Variants in MERTK observed in about 807,000 individuals in gnomAD.
MERTK encodes tyrosine-protein kinase Mer.
In MERTK, 69 loss-of-function variants were observed where a neutral mutation model predicts 99.3. The ratio of observed to expected loss-of-function variants is 0.70; its 90% confidence interval spans 0.57 to 0.85. The LOEUF is 0.85. Among genes scored for constraint, MERTK ranks in the 40% least tolerant of loss-of-function variants. MERTK has a pLI of 0.00. For synonymous variants in MERTK, 426 were observed against 467.6 expected, an observed-to-expected ratio of 0.91 and a Z score of 1.15; for missense variants, 1,125 against 1,249.4, an observed-to-expected ratio of 0.90 and a Z score of 1.50.
intron 4 of MERTK, among the ~76,000 whole-genome samples, chr2:111,963,589 A>G (rs1029655021): frequency 2.0e-5 from 3 of 152,228 alleles, no homozygotes. Context: ...GCCTTCAAGC[A>G]TCTGTGTAAC....
At chr2:111,985,558 GACTAGGTAATTA>G (rs1676461074) in intron 8 of MERTK, among the ~76,000 whole-genome samples, 1 of 152,152 alleles carries the variant, frequency 6.6e-6, no homozygotes, top group Admixed American at 6.5e-5. Context: ...ACATACCTGA[GACTAGGTAATTA>G]TAAAGAAAAA....
intron 8 of MERTK, among the ~76,000 whole-genome samples, chr2:111,992,750 C>CA (rs35097651): frequency 0.09 from 9,416 of 104,428 alleles, 433 homozygotes; most frequent in Middle Eastern, 0.16. Flanking sequence ...GACTCCGTCT[C>CA]AAAAAAAAAA....
chr2:111,923,588 A>T (rs780624995), intron 1 of MERTK, among the ~76,000 whole-genome samples: 1 of 152,238 alleles, frequency 6.6e-6, no homozygotes, highest in Non-Finnish European at 1.5e-5. Context: ...CTGTTTATCC[A>T]GTCCACATGA....
intron 1 of MERTK, among the ~76,000 whole-genome samples, chr2:111,916,075 T>C (rs1684344505): frequency 6.6e-6 from 1 of 152,184 alleles, no homozygotes; most frequent in Non-Finnish European, 1.5e-5. Flanking sequence ...GTGTATTCTA[T>C]TGTTGGGAAG....
At chr2:111,976,687 ATTTG>A (rs764710894) in intron 7 of MERTK, among the ~76,000 whole-genome samples, 1 of 151,782 alleles carries the variant, frequency 6.6e-6, no homozygotes, top group Non-Finnish European at 1.5e-5. Flanking sequence ...CGTATTTTCT[ATTTG>A]TTCTATCTGT....
In MERTK at chr2:111,968,162, C is replaced by T. The variant is rs759345122; in HGVS notation, c.870C>T (p.Val290=). Residue 290 remains valine (V), a synonymous_variant, in exon 6 of 19, where the codon GTC becomes GTT. Coordinates refer to ENST00000295408, the MANE Select transcript of MERTK (RefSeq NM_006343.3). ...CAATTCCCTCCCCACCAACTGAAGT[C>T]AGCATCCGTAACAGCACTGCACACA... ...IKAIPSPPTE[V]SIRNSTAHSI... 6 of 1,613,816 alleles carry T rather than the reference C, an allele frequency of 3.7e-6. No homozygotes were observed. In the Admixed American group the frequency reaches 8.3e-5, roughly 22 times the overall value.
chr2:111,994,099 G>T, intron 8 of MERTK, 152 bp from the exon 9 acceptor site: 1 of 934,264 alleles, frequency 1.1e-6, no homozygotes, highest in East Asian at 2.4e-5. Flanking sequence ...GGTTCCATTG[G>T]CCATGGCCTG....
intron 2 of MERTK, among the ~76,000 whole-genome samples, chr2:111,932,554 T>C (rs1684693002): frequency 6.6e-6 from 1 of 152,224 alleles, no homozygotes; most frequent in South Asian, 2.1e-4. Context: ...TCTTCAACTT[T>C]ATTAAGATAA....
chr2:111,959,413 T>C (rs1180860708), intron 4 of MERTK, among the ~76,000 whole-genome samples: 1 of 152,218 alleles, frequency 6.6e-6, no homozygotes, highest in African/African-American at 2.4e-5. Flanking sequence ...ATCACCACTA[T>C]GAAGCATCAG....
At chr2:111,971,595 T>C (rs967313685) in intron 6 of MERTK, among the ~76,000 whole-genome samples, 1 of 152,340 alleles carries the variant, frequency 6.6e-6, no homozygotes, top group Middle Eastern at 3.4e-3. Context: ...ATTTAAATTG[T>C]CACATAATTA....
rs756229364 is a variant in MERTK at position 111,929,348 on chromosome 2, AAC to A, written c.296_297del (p.Thr99SerfsTer8). ...AAGCCCCTACCGCCTCTTGCCTTCA[AAC>A]ACACAGTTGGACACATAATACTTTC... On this transcript the variant is annotated frameshift_variant, in exon 2 of 19. Coordinates refer to ENST00000295408, the MANE Select transcript of MERTK (RefSeq NM_006343.3). LOFTEE classifies it high-confidence loss of function. 4.3e-6 allele frequency: 7 copies of A among 1,614,050 alleles called. No individual in the cohort carries two copies. The East Asian group carries it at 1.3e-4, about 31-fold the overall frequency.
At chr2:111,910,718 A>G (rs888792492) in intron 1 of MERTK, among the ~76,000 whole-genome samples, 35 of 152,174 alleles carry the variant, frequency 2.3e-4, no homozygotes, top group African/African-American at 8.4e-4. Flanking sequence ...CATTTGGTTA[A>G]TTAAAACAAG....
At position 111,994,354 on chromosome 2, in the gene MERTK, G is replaced by T. The variant is rs368219980; in HGVS notation, c.1400G>T (p.Gly467Val). 7.4e-6 allele frequency: 12 copies of T among 1,614,176 alleles called. No individual in the cohort carries two copies. Among genetic ancestry groups the T allele is most frequent in the South Asian group, 2.2e-5 (2 of 91,080 alleles). ...CTVRIAAVTR[G>V]GVGPFSDPVK... The stretch of plus-strand genomic sequence containing the variant: ...GTGAGGATTGCAGCCGTCACCAGAG[G>T]GGGAGTTGGGCCCTTCAGTGATCCA... Residue 467 changes from glycine (G) to valine (V), a missense_variant, in exon 9 of 19, where the codon GGG (glycine) becomes GTG (valine). Gly to Val is a moderately radical substitution (Grantham distance 109). Transcript: ENST00000295408.
intron 4 of MERTK, among the ~76,000 whole-genome samples, chr2:111,949,862 CT>C (rs1187679566): frequency 6.6e-5 from 10 of 152,188 alleles, no homozygotes; most frequent in African/African-American, 2.4e-4. Flanking sequence ...GTCATACATA[CT>C]TTCCGTGGCT....
intron 13 of MERTK, among the ~76,000 whole-genome samples, chr2:112,006,143 A>G (rs1200769296): frequency 6.6e-6 from 1 of 151,610 alleles, no homozygotes; most frequent in Non-Finnish European, 1.5e-5. Context: ...TGGCCTCCCA[A>G]AGTGCTGGGA....
intron 4 of MERTK, among the ~76,000 whole-genome samples, chr2:111,960,814 A>G (rs536761343): frequency 1.9e-4 from 29 of 152,066 alleles, no homozygotes; most frequent in African/African-American, 6.5e-4. Flanking sequence ...AAGATATTCA[A>G]GGTACCTCAA....
Position 112,021,368 on chromosome 2 carries a change from G to A in MERTK, c.2190-54G>A. 5 of 1,609,436 alleles carry A rather than the reference G, an allele frequency of 3.1e-6. 1 individual carries two copies. Among genetic ancestry groups the A allele is most frequent in the South Asian group, 2.2e-5 (2 of 90,976 alleles). Reference sequence around the variant, plus strand: ...TTTCACCTGTGTCTGATACAGACCAGTAATTTAAGGCATTGCCTCTGACGC... The same window carrying A: ...TTTCACCTGTGTCTGATACAGACCAATAATTTAAGGCATTGCCTCTGACGC... On this transcript the variant is annotated intron_variant, in intron 16 of 18. Transcript: ENST00000295408.
chr2:112,027,654 A>G (rs1677495160), intron 18 of MERTK, among the ~76,000 whole-genome samples: 1 of 152,142 alleles, frequency 6.6e-6, no homozygotes, highest in Non-Finnish European at 1.5e-5. Flanking sequence ...CCACATGGCC[A>G]TGGCATGTTC....
At chr2:111,973,568 T>G (rs1245811160) in intron 6 of MERTK, among the ~76,000 whole-genome samples, 1 of 152,188 alleles carries the variant, frequency 6.6e-6, no homozygotes, top group Non-Finnish European at 1.5e-5. Flanking sequence ...ATTACAGTAC[T>G]GTATATCCAG....
Sources: gnomAD v4.1 joint callset for allele counts (sites outside exome capture counted in the v4.1 genomes callset) on GRCh38, gnomAD v4.1.1 for gene constraint, MANE v1.5 for transcripts, NCBI Gene and HGNC (gene_info 2026-07-23, HGNC 2026-07-21) for gene names.